The following SND1 variants were observed in gnomAD, a reference collection of about 807,000 sequenced individuals.
The protein encoded by SND1 is staphylococcal nuclease and tudor domain containing 1.
Under a neutral mutation model 121.7 loss-of-function variants are expected in SND1, and 38 were observed. That is an observed-to-expected ratio of 0.31 (90% CI 0.24 to 0.41). The LOEUF (loss-of-function observed/expected upper bound fraction) is 0.41, where lower values mean the gene tolerates loss of function less well. SND1 is among the 10% of genes least tolerant of loss of function. The pLI, the probability that SND1 is intolerant of heterozygous loss-of-function variation, is 1.00. For missense variants in SND1, 868 were observed against 1,184.6 expected (o/e 0.73, Z 3.92); for synonymous variants, 401 against 447.4 (o/e 0.90, Z 1.31).
intron 11 of SND1, among the ~76,000 whole-genome samples, chr7:127,812,596 G>A (rs1405687867): frequency 6.6e-6 from 1 of 152,150 alleles, no homozygotes; most frequent in Non-Finnish European, 1.5e-5. Flanking sequence ...CTTGGCACAG[G>A]GTCACGGAGA....
intron 10 of SND1, among the ~76,000 whole-genome samples, chr7:127,780,226 T>C (rs549812611): frequency 1.3e-5 from 2 of 152,332 alleles, no homozygotes; most frequent in South Asian, 4.1e-4. Flanking sequence ...TGGTTTCTTA[T>C]GTGTTTTATA....
intron 10 of SND1, among the ~76,000 whole-genome samples, chr7:127,807,084 A>G (rs1450018884): frequency 1.3e-5 from 2 of 152,250 alleles, no homozygotes; most frequent in Non-Finnish European, 2.9e-5. Context: ...AATGCTTTGT[A>G]TGGAACTAAC....
intron 16 of SND1, among the ~76,000 whole-genome samples, chr7:128,045,071 A>G (rs1358480219): frequency 6.6e-6 from 1 of 152,234 alleles, no homozygotes; most frequent in African/African-American, 2.4e-5. Flanking sequence ...AACTAGAGGC[A>G]GATACGAGCT....
At chr7:127,752,804 C>T (rs1797123260) in intron 10 of SND1, among the ~76,000 whole-genome samples, 1 of 152,104 alleles carries the variant, frequency 6.6e-6, no homozygotes, top group South Asian at 2.1e-4. Flanking sequence ...AAATATTGTT[C>T]TTTTGATTTT....
Position 128,052,597 on chromosome 7 carries a change from G to A in SND1, c.1780-21905G>A, listed in dbSNP as rs1308369987. ...GTGTGTGTATCTGCATGCTCACACC[G>A]CAGCCTGATCGATGCCTGTCAGAGC... On this transcript the variant is annotated intron_variant, in intron 16 of 23. Coordinates refer to ENST00000354725, the MANE Select transcript of SND1 (RefSeq NM_014390.4). This position sits in a 1 kb window ranked among gnomAD's most constrained non-coding sequence, Gnocchi z 4.6. 1.3e-5 allele frequency among the ~76,000 whole-genome samples: 2 copies of A among 152,234 alleles called. No homozygotes were observed. Among genetic ancestry groups the A allele is most frequent in the Non-Finnish European group, 2.9e-5 (2 of 68,042 alleles).
chr7:127,693,456 A>G (rs576770525), intron 2 of SND1, among the ~76,000 whole-genome samples: 4 of 152,310 alleles, frequency 2.6e-5, no homozygotes, highest in Admixed American at 1.3e-4. Context: ...GTTATGTAAC[A>G]GTACTGTTTT....
chr7:127,870,733 G>A (rs1799569692), intron 12 of SND1, among the ~76,000 whole-genome samples: 1 of 152,150 alleles, frequency 6.6e-6, no homozygotes, highest in African/African-American at 2.4e-5. Context: ...GGAAGTGAAT[G>A]TGAAAGCCTA....
chr7:127,952,211 G>A lies in SND1; in HGVS notation c.1669+22882G>A, dbSNP rs967072699. Among the ~76,000 whole-genome samples, 5 of 152,168 alleles carry A rather than the reference G, an allele frequency of 3.3e-5. No homozygotes were observed. In the South Asian group the frequency reaches 6.2e-4, roughly 19 times the overall value. ...GGAAATTTCATCTATACAGGAAAGC[G>A]ATGTATATTCTTATATATAAGTTTA... On this transcript the variant is annotated intron_variant, in intron 15 of 23. Coordinates refer to ENST00000354725, the MANE Select transcript of SND1 (RefSeq NM_014390.4).
intron 12 of SND1, among the ~76,000 whole-genome samples, chr7:127,876,475 T>G (rs1304950787): frequency 6.6e-6 from 1 of 152,104 alleles, no homozygotes; most frequent in Non-Finnish European, 1.5e-5. Flanking sequence ...ATGTCAGGCC[T>G]AGGTGCTGAG....
chr7:127,765,436 C>G (rs1797393915), intron 10 of SND1, among the ~76,000 whole-genome samples: 1 of 152,202 alleles, frequency 6.6e-6, no homozygotes, highest in Non-Finnish European at 1.5e-5. Context: ...GAGGAAGCCC[C>G]TTAAGCTCTG....
intron 16 of SND1, among the ~76,000 whole-genome samples, chr7:128,025,162 A>G (rs1299805050): frequency 6.6e-6 from 1 of 152,244 alleles, no homozygotes; most frequent in African/African-American, 2.4e-5. Flanking sequence ...CTTAGAGGGC[A>G]GTATAGCCAG....
intron 2 of SND1, among the ~76,000 whole-genome samples, chr7:127,693,205 A>G (rs1394710366): frequency 6.6e-6 from 1 of 152,066 alleles, no homozygotes; most frequent in Non-Finnish European, 1.5e-5. Context: ...GATGTGGTTG[A>G]TAATTGGGAT....
At chr7:127,989,774 AT>A (rs1802480367) in intron 15 of SND1, among the ~76,000 whole-genome samples, 1 of 152,320 alleles carries the variant, frequency 6.6e-6, no homozygotes, top group Non-Finnish European at 1.5e-5. Context: ...TTGTGGAATT[AT>A]GTCTGTAATT....
At chr7:127,975,424 CGTGTGTGTGTGTGTGTGTGTGT>C (rs66757341) in intron 15 of SND1, among the ~76,000 whole-genome samples, 156 of 147,560 alleles carry the variant, frequency 1.1e-3, no homozygotes, top group African/African-American at 3.6e-3. Flanking sequence ...TGACTCCCCT[CGTGTGTGTGTGTGTGTGTGTGT>C]GTGTGTGTGT....
chr7:127,810,614 GTCT>G (rs1406109453), intron 11 of SND1, among the ~76,000 whole-genome samples: 1 of 152,178 alleles, frequency 6.6e-6, no homozygotes, highest in Non-Finnish European at 1.5e-5. Context: ...TTAGGCTGTG[GTCT>G]TCTTCTGATA....
chr7:127,775,109 T>C (rs918138009), intron 10 of SND1, among the ~76,000 whole-genome samples: 3 of 152,148 alleles, frequency 2.0e-5, no homozygotes, highest in Admixed American at 6.6e-5. Flanking sequence ...CATGTGATAA[T>C]GGAGGATGAT....
intron 16 of SND1, among the ~76,000 whole-genome samples, chr7:127,991,305 C>T (rs1802519430): frequency 1.3e-5 from 2 of 152,240 alleles, no homozygotes; most frequent in Admixed American, 1.3e-4. Context: ...AGCCAGACTC[C>T]TGATGCAGAG....
At chr7:127,814,044 CTT>C (rs1798382472) in intron 11 of SND1, among the ~76,000 whole-genome samples, 1 of 152,150 alleles carries the variant, frequency 6.6e-6, no homozygotes, top group African/African-American at 2.4e-5. Flanking sequence ...GGGATATACT[CTT>C]ATATTAATTT....
At chr7:127,995,612 A>C (rs1174351696) in intron 16 of SND1, among the ~76,000 whole-genome samples, 3 of 152,236 alleles carry the variant, frequency 2.0e-5, no homozygotes, top group African/African-American at 7.2e-5. Flanking sequence ...TAGCAATCCC[A>C]AGCCACCCTT....
Sources: allele counts gnomAD v4.1 joint callset (sites outside exome capture counted in the v4.1 genomes callset), GRCh38; gene constraint gnomAD v4.1.1; non-coding constraint Gnocchi (gnomAD v3.1); transcripts MANE v1.5; gene names NCBI Gene and HGNC (gene_info 2026-07-23, HGNC 2026-07-21).